The following ANKMY1 variants were observed in gnomAD, a reference collection of about 807,000 sequenced individuals.
ANKMY1 encodes the protein ankyrin repeat and MYND domain-containing protein 1.
In ANKMY1, 98 loss-of-function variants were observed where a neutral mutation model predicts 102.0. The observed-to-expected ratio is 0.96, with a 90% CI of 0.82 to 1.14. ANKMY1 has a LOEUF of 1.14. Ranked by LOEUF, ANKMY1 falls within the 50% of genes most tolerant of loss-of-function variation. The pLI is 0.00. For synonymous variants in ANKMY1, 582 were observed against 559.9 expected (o/e 1.04, Z -0.56); for missense variants, 1,330 against 1,347.6 (o/e 0.99, Z 0.20).
At chr2:240,526,078 TCTG>T (rs2083327846) in intron 6 of ANKMY1, 148 bp downstream of exon 6, 1 of 1,061,550 alleles carries the variant, frequency 9.4e-7, no homozygotes, top group Admixed American at 2.2e-5. Flanking sequence ...TGAGTGGGTT[TCTG>T]CTGAACGGCG....
intron 4 of ANKMY1, among the ~76,000 whole-genome samples, chr2:240,550,160 T>G (rs966969780): frequency 6.6e-6 from 1 of 151,918 alleles, no homozygotes; most frequent in Non-Finnish European, 1.5e-5. Flanking sequence ...ATGTGGCATA[T>G]ATACACCATG....
intron 3 of ANKMY1, 123 bp downstream of exon 3, chr2:240,554,743 C>G (rs1055804822): frequency 1.2e-4 from 138 of 1,163,226 alleles, no homozygotes; most frequent in South Asian, 4.5e-4. Flanking sequence ...GGAGGAAAAA[C>G]TTTAGCCTAG....
At chr2:240,535,607 T>C (rs915495629) in intron 4 of ANKMY1, among the ~76,000 whole-genome samples, 1 of 152,244 alleles carries the variant, frequency 6.6e-6, no homozygotes, top group African/African-American at 2.4e-5. Flanking sequence ...TGAGGATAAA[T>C]ATTCTTTTCT....
At chr2:240,549,428 C>T (rs975259012) in intron 4 of ANKMY1, among the ~76,000 whole-genome samples, 1 of 152,200 alleles carries the variant, frequency 6.6e-6, no homozygotes, top group Non-Finnish European at 1.5e-5. Context: ...GAAACCTAGG[C>T]ATTACCATTC....
intron 5 of ANKMY1, 113 bp from the exon 6 acceptor site, chr2:240,526,558 C>G (rs572641204): frequency 4.6e-6 from 7 of 1,517,792 alleles, no homozygotes; most frequent in Admixed American, 2.0e-5. Flanking sequence ...GCTCAGCCCC[C>G]CACTGTTCAC....
downstream of ANKMY1, among the ~76,000 whole-genome samples, chr2:240,475,761 C>T (rs1312781189): frequency 6.6e-6 from 1 of 151,522 alleles, no homozygotes; most frequent in Non-Finnish European, 1.5e-5. Flanking sequence ...TTTGGTGGAA[C>T]TTTTAGAATA....
intron 13 of ANKMY1, among the ~76,000 whole-genome samples, chr2:240,504,284 G>A (rs184233542): frequency 2.6e-5 from 4 of 152,294 alleles, no homozygotes; most frequent in Admixed American, 2.0e-4. Flanking sequence ...GGACTCTCTG[G>A]ACTCAGATCC....
chr2:240,472,971 A>G, the ANKMY1 span, among the ~76,000 whole-genome samples: 2 of 146,300 alleles, frequency 1.4e-5, no homozygotes, highest in Non-Finnish European at 3.0e-5. Context: ...CTAAAAATAT[A>G]AAAATTAACC....
At chr2:240,497,458 G>A (rs768464877) in intron 15 of ANKMY1, among the ~76,000 whole-genome samples, 21 of 152,208 alleles carry the variant, frequency 1.4e-4, no homozygotes, top group Non-Finnish European at 2.6e-4. Context: ...GAAAAGGAAG[G>A]TAGACCTTGG....
upstream of ANKMY1, chr2:240,558,106 G>A (rs1186365899): frequency 2.1e-6 from 1 of 468,494 alleles, no homozygotes. Context: ...CCCGCCCTCT[G>A]TGACTTCAGG....
rs2152316000 is a variant in ANKMY1, at chr2:240,520,296, A to G, written c.2004+66T>C. On this transcript the variant is annotated intron_variant, in intron 9 of 17. Transcript: ENST00000401804. This position sits in a 1 kb window ranked among gnomAD's most constrained non-coding sequence, Gnocchi z 4.8. ...TCTTCCGCGCCTAGGTGGAGCGAGG[A>G]GCTTCCCGGCCAGTGCCCGGGAGTC... is the stretch of plus-strand genomic sequence containing the variant. 1.3e-6 allele frequency: 2 copies of G among 1,488,132 alleles called. No homozygotes were observed. The highest frequency in any genetic ancestry group is 2.5e-5 in the East Asian group (1 of 40,114). 92.2% of individuals were successfully genotyped at this position (1,488,132 alleles called of 1,614,324 possible).
chr2:240,520,863 CGCACACCACACAGTACGCACACG>C lies in ANKMY1; in HGVS notation c.1833-353_1833-331del, dbSNP rs906776937. ...CCAGAGCGCACACACCATAGCACAG[CGCACACCACACAGTACGCACACG>C]GCACACCACACACCAGAGCACACAA... On this transcript the variant is annotated intron_variant, in intron 8 of 17. Coordinates refer to ENST00000401804, the MANE Select transcript of ANKMY1 (RefSeq NM_001282771.3). This position sits in a 1 kb window ranked among gnomAD's most constrained non-coding sequence, Gnocchi z 4.8. Among the ~76,000 whole-genome samples, 8 of 150,538 alleles carry C rather than the reference CGCACACCACACAGTACGCACACG, an allele frequency of 5.3e-5. No individual in the cohort carries two copies. The highest frequency in any genetic ancestry group is 1.0e-4 in the Non-Finnish European group (7 of 67,560).
chr2:240,525,711 C>T lies in ANKMY1; in HGVS notation c.1309G>A (p.Ala437Thr). Residue 437 changes from alanine (A) to threonine (T), a missense_variant, in exon 7 of 18, where the codon GCT becomes ACT. Ala to Thr is a moderately conservative substitution (Grantham distance 58, BLOSUM62 0). Transcript: ENST00000401804. ...YPAQSFKPNV[A>T]ERTIPEPQEP... ...TGGGGCTCAGGTATGGTCCGTTCAGCAACATTGGGCTTGAAGGACTGGGCG... is the reference window on the plus strand; with the variant it reads ...TGGGGCTCAGGTATGGTCCGTTCAGTAACATTGGGCTTGAAGGACTGGGCG... The T allele has an allele frequency of 6.2e-7, 1 of 1,614,092 alleles. No individual in the cohort carries two copies. Among genetic ancestry groups the T allele is most frequent in the Non-Finnish European group, 8.5e-7 (1 of 1,180,012 alleles).
chr2:240,520,178 G>A lies in ANKMY1; in HGVS notation c.2004+184C>T. On this transcript the variant is annotated intron_variant, in intron 9 of 17. Transcript: ENST00000401804. The surrounding 1 kb of genome is among the most constrained non-coding windows in gnomAD (Gnocchi z 4.8). The stretch of plus-strand genomic sequence containing the variant: ...GCTCGGTGTCCAAATCCTGTCTGGG[G>A]ACATGGGTGAAAGAGCGGGCTGTGG... The A allele has an allele frequency of 2.2e-6, 2 of 896,010 alleles. No homozygotes were observed. The highest frequency in any genetic ancestry group is 1.4e-5 in the South Asian group (1 of 70,408). The allele number at this position is 896,010 out of a possible 1,614,324, so 55.5% of individuals were successfully genotyped here.
intron 9 of ANKMY1, among the ~76,000 whole-genome samples, chr2:240,518,594 G>A (rs754580023): frequency 5.3e-5 from 8 of 152,108 alleles, no homozygotes; most frequent in Admixed American, 6.6e-5. Flanking sequence ...AACCCCTGGC[G>A]TTTTGGTGAC....
chr2:240,560,701 C>T (rs774218472), upstream of ANKMY1: 19 of 1,528,862 alleles, frequency 1.2e-5, no homozygotes, highest in African/African-American at 2.4e-4. Context: ...CCGGCAGAAG[C>T]TGGGCGCCGC....
intron 4 of ANKMY1, among the ~76,000 whole-genome samples, chr2:240,541,276 G>C (rs2088704278): frequency 2.0e-5 from 3 of 152,186 alleles, no homozygotes; most frequent in Admixed American, 2.0e-4. Context: ...TCCATGAAGA[G>C]AGGAAGCACT....
At chr2:240,492,076 T>A (rs561494172) in intron 15 of ANKMY1, among the ~76,000 whole-genome samples, 3 of 151,952 alleles carry the variant, frequency 2.0e-5, no homozygotes, top group South Asian at 2.1e-4. Flanking sequence ...AGTGGCACAA[T>A]CCTAGCTCAC....
chr2:240,536,767 A>T (rs976581643), intron 4 of ANKMY1, among the ~76,000 whole-genome samples: 1 of 152,400 alleles, frequency 6.6e-6, no homozygotes, highest in Admixed American at 6.5e-5. Flanking sequence ...GGCAGTTAAT[A>T]AAAAGACTAT....
Sources: allele counts gnomAD v4.1 joint callset (sites outside exome capture counted in the v4.1 genomes callset), GRCh38; gene constraint gnomAD v4.1.1; non-coding constraint Gnocchi (gnomAD v3.1); transcripts MANE v1.5; gene names NCBI Gene and HGNC (gene_info 2026-07-23, HGNC 2026-07-21).